AK8: variants seen among roughly 807,000 people sequenced by gnomAD.
AK8 encodes ATP-AMP transphosphorylase 8.
Under a neutral mutation model 54.6 loss-of-function variants are expected in AK8, and 44 were observed. The ratio of observed to expected loss-of-function variants is 0.81; its 90% CI spans 0.63 to 1.04. AK8 has a LOEUF of 1.04. Among genes scored for constraint, AK8 ranks in the 50% least tolerant of loss-of-function variants. The pLI is 0.00. For missense variants in AK8, 555 were observed against 613.6 expected, an observed-to-expected ratio of 0.90 and a Z score of 1.01; for synonymous variants, 239 against 245.6, an observed-to-expected ratio of 0.97 and a Z score of 0.25.
At chr9:132,742,991 T>C (rs1024556790) in intron 11 of AK8, among the ~76,000 whole-genome samples, 16 of 152,196 alleles carry the variant, frequency 1.1e-4, no homozygotes, top group Non-Finnish European at 1.9e-4. Flanking sequence ...CAGCACTCCA[T>C]TGTGATTCCG....
At chr9:132,738,034 C>T (rs921587589) in intron 11 of AK8, among the ~76,000 whole-genome samples, 2 of 148,070 alleles carry the variant, frequency 1.4e-5, no homozygotes, top group Admixed American at 6.9e-5. Flanking sequence ...ATATTTAGCA[C>T]AAGATTTCCC....
chr9:132,872,971 C>G (rs940935823), intron 2 of AK8, among the ~76,000 whole-genome samples: 1 of 152,178 alleles, frequency 6.6e-6, no homozygotes, highest in African/African-American at 2.4e-5. Context: ...GCCACCACGC[C>G]CAGCTAATTT....
At chr9:132,813,260 C>T (rs1010468171) in intron 10 of AK8, among the ~76,000 whole-genome samples, 1 of 152,170 alleles carries the variant, frequency 6.6e-6, no homozygotes, top group Non-Finnish European at 1.5e-5. Context: ...CTACTCCACA[C>T]ACTTGAACTC....
chr9:132,781,719 A>G lies in AK8; in HGVS notation c.1121+10915T>C, dbSNP rs1223479508. Among the ~76,000 whole-genome samples, 1 of 152,198 alleles carries G rather than the reference A, an allele frequency of 6.6e-6. No individual in the cohort carries two copies. Among genetic ancestry groups the G allele is most frequent in the Non-Finnish European group, 1.5e-5 (1 of 68,036 alleles). ...CTGTCAAGATTTCCTCCTGGTGTCA[A>G]AAACAGCAACACCACAGCTAGAGTG... is the stretch of plus-strand genomic sequence containing the variant. On this transcript the variant is annotated intron_variant, in intron 11 of 12. Coordinates refer to ENST00000298545, the MANE Select transcript of AK8 (RefSeq NM_152572.3). The surrounding 1 kb of genome is among the most constrained non-coding windows in gnomAD (Gnocchi z 4.6).
At chr9:132,798,155 C>A (rs1840266470) in intron 10 of AK8, among the ~76,000 whole-genome samples, 1 of 152,202 alleles carries the variant, frequency 6.6e-6, no homozygotes, top group Non-Finnish European at 1.5e-5. Context: ...GGCTACCGAC[C>A]TTTCCCAGTC....
intron 11 of AK8, among the ~76,000 whole-genome samples, chr9:132,742,023 A>G (rs1837414796): frequency 6.6e-6 from 1 of 152,222 alleles, no homozygotes. Flanking sequence ...CCAATGTGCC[A>G]GGCTGCTTTC....
At chr9:132,735,835 G>A (rs1837077470) in intron 11 of AK8, among the ~76,000 whole-genome samples, 1 of 152,188 alleles carries the variant, frequency 6.6e-6, no homozygotes, top group South Asian at 2.1e-4. Context: ...TAGATGAATG[G>A]ATAAACAAAA....
chr9:132,733,881 C>T (rs1199338282), intron 11 of AK8, among the ~76,000 whole-genome samples: 8 of 152,158 alleles, frequency 5.3e-5, no homozygotes, highest in Admixed American at 5.2e-4. Context: ...GGGGCGGGCA[C>T]TCTACCTGCC....
rs117804350 is a variant in AK8, at chr9:132,800,356, C to T, written c.980-7581G>A. ...GCTGGTGAAACATGGGTTCTGCATC[C>T]CCCAAGTGAACGCCGCCAGCAACGC... On this transcript the variant is annotated intron_variant, in intron 10 of 12. Transcript: ENST00000298545. 2.3e-4 allele frequency among the ~76,000 whole-genome samples: 35 copies of T among 152,330 alleles called. 2 individuals are homozygous for T. In the East Asian group the frequency reaches 2.9e-3, roughly 13 times the overall value.
rs1843350202 is a variant in AK8, at chr9:132,860,667, TA to T, written c.333+2997del. Among the ~76,000 whole-genome samples the T allele has an allele frequency of 2.0e-5, 3 of 152,246 alleles. No individual in the cohort carries two copies. Among genetic ancestry groups the T allele is most frequent in the African/African-American group, 7.2e-5 (3 of 41,476 alleles). On this transcript the variant is annotated intron_variant, in intron 4 of 12. Transcript: ENST00000298545. This position sits in a 1 kb window ranked among gnomAD's most constrained non-coding sequence, Gnocchi z 4.4. ...AAAAACTAGAGACACTGCCAGTTAT[TA>T]ATCATGCCCTGGCCATTTGGGATAG...
At chr9:132,741,483 A>C (rs899500034) in intron 11 of AK8, among the ~76,000 whole-genome samples, 25 of 152,210 alleles carry the variant, frequency 1.6e-4, no homozygotes, top group Middle Eastern at 3.4e-3. Context: ...CCCCCCAAAA[A>C]CAGCTGGGTT....
intron 11 of AK8, among the ~76,000 whole-genome samples, chr9:132,775,422 C>A (rs1210596742): frequency 6.6e-6 from 1 of 152,152 alleles, no homozygotes; most frequent in Non-Finnish European, 1.5e-5. Flanking sequence ...CCTGCCTCAG[C>A]CTCCCAAGTA....
intron 9 of AK8, among the ~76,000 whole-genome samples, chr9:132,817,999 A>G (rs76931828): frequency 0.023 from 3,467 of 152,318 alleles, 147 homozygotes; most frequent in African/African-American, 0.078. Context: ...CAGGGCAACA[A>G]TGGTAAAAAT....
chr9:132,823,844 G>C (rs1254187120), intron 8 of AK8, among the ~76,000 whole-genome samples: 1 of 152,250 alleles, frequency 6.6e-6, no homozygotes, highest in Non-Finnish European at 1.5e-5. Context: ...AGCCACATGG[G>C]GGCCCAGTGC....
chr9:132,783,064 T>C (rs1456878074), intron 11 of AK8, among the ~76,000 whole-genome samples: 1 of 152,218 alleles, frequency 6.6e-6, no homozygotes, highest in East Asian at 1.9e-4. Flanking sequence ...ACAAGGAACT[T>C]TGCAGATTGG....
chr9:132,767,959 CA>C (rs1258908991), intron 11 of AK8, among the ~76,000 whole-genome samples: 2 of 151,982 alleles, frequency 1.3e-5, no homozygotes, highest in Non-Finnish European at 1.5e-5. Context: ...TGGGAGGGGC[CA>C]GGGGAGGTGA....
intron 8 of AK8, among the ~76,000 whole-genome samples, chr9:132,824,614 C>T (rs1391458516): frequency 6.6e-6 from 1 of 152,214 alleles, no homozygotes; most frequent in Non-Finnish European, 1.5e-5. Flanking sequence ...CAAGGTATGA[C>T]AACCAAAAAA....
intron 5 of AK8, among the ~76,000 whole-genome samples, chr9:132,836,765 T>G (rs1355257942): frequency 6.6e-6 from 1 of 152,234 alleles, no homozygotes; most frequent in Non-Finnish European, 1.5e-5. Context: ...CTCACGCCAT[T>G]TGCCATCACT....
In AK8 at chr9:132,725,927, T is replaced by C. The variant is rs771290809; in HGVS notation, c.1203-2A>G. Reference sequence around the variant, plus strand: ...GGTGGCTTGTACATGAGGTGGTACCTGCAAGGGAGGAAGGAAAGCAGGTGA... The same window carrying C: ...GGTGGCTTGTACATGAGGTGGTACCCGCAAGGGAGGAAGGAAAGCAGGTGA... On this transcript the variant is annotated splice_acceptor_variant, in intron 12 of 12. Coordinates refer to ENST00000298545, the MANE Select transcript of AK8 (RefSeq NM_152572.3). LOFTEE classifies it high-confidence loss of function. 2.5e-6 allele frequency: 4 copies of C among 1,608,756 alleles called. No individual in the cohort carries two copies. Among genetic ancestry groups the C allele is most frequent in the East Asian group, 2.2e-5 (1 of 44,732 alleles).
Sources: gnomAD v4.1 joint callset for allele counts (sites outside exome capture counted in the v4.1 genomes callset) on GRCh38, gnomAD v4.1.1 for gene constraint, Gnocchi (gnomAD v3.1) non-coding constraint, MANE v1.5 for transcripts, NCBI Gene and HGNC (gene_info 2026-07-23, HGNC 2026-07-21) for gene names.